ZNF469: variants seen among roughly 807,000 people sequenced by gnomAD.
ZNF469 encodes the protein zinc finger protein 469.
In ZNF469, 1 loss-of-function variant was observed where a neutral mutation model predicts 1.0. The observed-to-expected ratio is 1.00, with a 90% CI of 0.35 to 4.73. The LOEUF (loss-of-function observed/expected upper bound fraction) is 4.73, where lower values mean the gene tolerates loss of function less well. Ranked by LOEUF, ZNF469 falls within the 30% of genes most tolerant of loss-of-function variation. The probability of loss-of-function intolerance (pLI) is 0.16; values close to 1 mark genes in which losing one functional copy is unlikely to be tolerated. For synonymous variants in ZNF469, 2,703 were observed against 2,363.4 expected, an observed-to-expected ratio of 1.14 and a Z score of -4.17; for missense variants, 6,100 against 5,356.3, an observed-to-expected ratio of 1.14 and a Z score of -4.33.
the ZNF469 span, among the ~76,000 whole-genome samples, chr16:88,183,343 G>A: frequency 6.6e-6 from 1 of 152,182 alleles, no homozygotes; most frequent in African/African-American, 2.4e-5. Context: ...CACCAAACCT[G>A]CACGCAAATG....
chr16:88,206,547 C>T, the ZNF469 span, among the ~76,000 whole-genome samples: 3 of 152,086 alleles, frequency 2.0e-5, no homozygotes, highest in African/African-American at 7.2e-5. Flanking sequence ...TTACCACAAT[C>T]GTGTTCTTTA....
chr16:88,166,840 A>G, the ZNF469 span, among the ~76,000 whole-genome samples: 1 of 151,648 alleles, frequency 6.6e-6, no homozygotes, highest in African/African-American at 2.4e-5. The surrounding 1 kb of genome is among the most constrained non-coding windows in gnomAD (Gnocchi z 4.5). Context: ...AAATATATAA[A>G]AATGTTATAT....
the ZNF469 span, among the ~76,000 whole-genome samples, chr16:88,108,345 C>T: frequency 2.0e-5 from 3 of 152,136 alleles, no homozygotes; most frequent in Admixed American, 6.5e-5. Flanking sequence ...TGTGGGACAG[C>T]GTGTCTGGGT....
At chr16:88,306,539 C>T in the ZNF469 span, among the ~76,000 whole-genome samples, 1 of 152,178 alleles carries the variant, frequency 6.6e-6, no homozygotes, top group Non-Finnish European at 1.5e-5. Flanking sequence ...TCACCTGCAC[C>T]CAGAGGGTGG....
At chr16:88,212,754 T>C in the ZNF469 span, among the ~76,000 whole-genome samples, 2 of 152,132 alleles carry the variant, frequency 1.3e-5, no homozygotes, top group African/African-American at 2.4e-5. Context: ...CTAATTTTTG[T>C]AATTTTTTTT....
chr16:88,175,625 A>T, the ZNF469 span, among the ~76,000 whole-genome samples: 1 of 152,266 alleles, frequency 6.6e-6, no homozygotes, highest in African/African-American at 2.4e-5. Context: ...TAAGAAAATT[A>T]AAAAATATTT....
At chr16:88,255,655 A>G in the ZNF469 span, among the ~76,000 whole-genome samples, 1 of 152,256 alleles carries the variant, frequency 6.6e-6, no homozygotes, top group Non-Finnish European at 1.5e-5. Context: ...GAAAGAGGAA[A>G]GAATCCTGAA....
intron 1 of ZNF469, among the ~76,000 whole-genome samples, chr16:88,401,558 G>GATGGATGA (rs1904860506): frequency 2.8e-5 from 1 of 35,632 alleles, no homozygotes; most frequent in African/African-American, 2.1e-4. Context: ...TGGATGCATG[G>GATGGATGA]GTGGATGGAT....
chr16:88,393,611 G>A (rs560346480), intron 1 of ZNF469, among the ~76,000 whole-genome samples: 1 of 152,222 alleles, frequency 6.6e-6, no homozygotes, highest in Non-Finnish European at 1.5e-5. Context: ...TGCCCGGGCA[G>A]GAGGAGGGGT....
At chr16:88,426,383 C>A (rs1025546833) in intron 2 of ZNF469, among the ~76,000 whole-genome samples, 14 of 152,398 alleles carry the variant, frequency 9.2e-5, no homozygotes, top group African/African-American at 3.4e-4. Context: ...AAGGGGCCCC[C>A]ACACGGAGCG....
the ZNF469 span, among the ~76,000 whole-genome samples, chr16:88,197,478 G>A: frequency 6.6e-6 from 1 of 152,252 alleles, no homozygotes; most frequent in African/African-American, 2.4e-5. Flanking sequence ...GAAAGCAGAT[G>A]TCTTTCCCAA....
the ZNF469 span, among the ~76,000 whole-genome samples, chr16:88,163,643 TGGA>T: frequency 4.0e-5 from 6 of 150,898 alleles, no homozygotes; most frequent in Admixed American, 4.0e-4. Flanking sequence ...GATGGATGGA[TGGA>T]TGGATGGATA....
chr16:88,126,591 A>C, the ZNF469 span, among the ~76,000 whole-genome samples: 1 of 106,058 alleles, frequency 9.4e-6, no homozygotes, highest in Non-Finnish European at 2.1e-5. Context: ...AATTGTGTTG[A>C]TTGATTTGTG....
the ZNF469 span, among the ~76,000 whole-genome samples, chr16:88,198,658 C>T: frequency 1.6e-4 from 25 of 152,302 alleles, no homozygotes; most frequent in Non-Finnish European, 1.5e-4. Flanking sequence ...TTGAGGCTGA[C>T]GGGTTTCTTG....
At chr16:88,106,736 C>T in the ZNF469 span, among the ~76,000 whole-genome samples, 6 of 152,344 alleles carry the variant, frequency 3.9e-5, no homozygotes, top group Middle Eastern at 3.4e-3. Context: ...CTGGGGTGGG[C>T]GTGGATGCCT....
chr16:88,245,741 G>A, the ZNF469 span, among the ~76,000 whole-genome samples: 1 of 152,266 alleles, frequency 6.6e-6, no homozygotes, highest in Non-Finnish European at 1.5e-5. Context: ...TCACACGGTG[G>A]GCAGGGTTTG....
the ZNF469 span, among the ~76,000 whole-genome samples, chr16:88,247,807 G>C: frequency 1.3e-5 from 2 of 151,954 alleles, no homozygotes; most frequent in African/African-American, 4.9e-5. Context: ...GTGAATGAGT[G>C]AGTGAGTGAG....
chr16:88,168,086 C>T, the ZNF469 span, among the ~76,000 whole-genome samples: 3 of 152,242 alleles, frequency 2.0e-5, no homozygotes, highest in Non-Finnish European at 2.9e-5. This position sits in a 1 kb window ranked among gnomAD's most constrained non-coding sequence, Gnocchi z 4.3. Flanking sequence ...ATTTACACTT[C>T]GTTCATCAAA....
chr16:88,143,019 T>C, the ZNF469 span, among the ~76,000 whole-genome samples: 1 of 151,970 alleles, frequency 6.6e-6, no homozygotes, highest in South Asian at 2.1e-4. Context: ...GGGGTGGCAA[T>C]CCCCACCTCA....
Sources: allele counts gnomAD v4.1 joint callset (sites outside exome capture counted in the v4.1 genomes callset), GRCh38; gene constraint gnomAD v4.1.1; non-coding constraint Gnocchi (gnomAD v3.1); transcripts MANE v1.5; gene names NCBI Gene and HGNC (gene_info 2026-07-23, HGNC 2026-07-21).